The following ADD2 variants were observed in gnomAD, a reference collection of about 807,000 sequenced individuals.
The protein encoded by ADD2 is beta-adducin.
ADD2 carries 23 observed loss-of-function variants against 83.0 expected under a neutral mutation model. The observed-to-expected ratio is 0.28, with a 90% CI of 0.20 to 0.39. The LOEUF (loss-of-function observed/expected upper bound fraction) is 0.39, where lower values mean the gene tolerates loss of function less well. Among genes scored for constraint, ADD2 ranks in the 10% least tolerant of loss-of-function variants. The pLI, the probability that ADD2 is intolerant of heterozygous loss-of-function variation, is 1.00. For synonymous variants in ADD2, 375 were observed against 375.4 expected (o/e 1.00, Z 0.01); for missense variants, 758 against 944.9 (o/e 0.80, Z 2.59).
intron 15 of ADD2, among the ~76,000 whole-genome samples, chr2:70,666,784 G>T (rs1251640844): frequency 6.6e-6 from 1 of 152,154 alleles, no homozygotes; most frequent in African/African-American, 2.4e-5. Context: ...AACACCCAAG[G>T]TTCTTCTCAC....
intron 1 of ADD2, among the ~76,000 whole-genome samples, chr2:70,728,837 G>A (rs1307010467): frequency 6.6e-6 from 1 of 152,110 alleles, no homozygotes; most frequent in African/African-American, 2.4e-5. Flanking sequence ...GGCTTGCCTT[G>A]TCTTCCTCCC....
At chr2:70,745,628 C>T (rs6716568) in intron 1 of ADD2, among the ~76,000 whole-genome samples, 5,284 of 152,260 alleles carry the variant, frequency 0.035, 305 homozygotes, top group African/African-American at 0.12. Flanking sequence ...CAGACTATAG[C>T]CTCACCAAAA....
chr2:70,730,429 C>A (rs1673222528), intron 1 of ADD2, among the ~76,000 whole-genome samples: 1 of 152,236 alleles, frequency 6.6e-6, no homozygotes, highest in Admixed American at 6.5e-5. Flanking sequence ...CATGGACACA[C>A]AGGCACACAT....
chr2:70,713,623 G>A (rs782058250), intron 1 of ADD2, among the ~76,000 whole-genome samples: 7 of 152,118 alleles, frequency 4.6e-5, no homozygotes, highest in Non-Finnish European at 7.4e-5. Context: ...AAGAAAAAAG[G>A]TAAAGAAAGC....
At position 70,660,189 on chromosome 2, in the gene ADD2, GGAA is replaced by G. The variant is rs1235185822; in HGVS notation, c.*3233_*3235del. 1 of 152,158 alleles carries G rather than the reference GGAA, an allele frequency of 6.6e-6. No individual in the cohort carries two copies. Among genetic ancestry groups the G allele is most frequent in the African/African-American group, 2.4e-5 (1 of 41,412 alleles). 9.4% of individuals were successfully genotyped at this position (152,158 alleles called of 1,614,324 possible). ...CTAAATGTGCCACATTCTGTGCAAGGGAAGAAGAAATGGCAGGATGGCTGGACA... is the reference window on the plus strand; with the variant it reads ...CTAAATGTGCCACATTCTGTGCAAGGGAAGAAATGGCAGGATGGCTGGACA... On this transcript the variant is annotated 3_prime_UTR_variant, in exon 16 of 16. Transcript: ENST00000264436.
intron 1 of ADD2, among the ~76,000 whole-genome samples, chr2:70,716,355 G>C (rs1417242500): frequency 1.3e-5 from 2 of 152,082 alleles, no homozygotes; most frequent in Non-Finnish European, 2.9e-5. Context: ...CAGGACCCAA[G>C]AGGCACAAAG....
rs1240802335 is a variant in ADD2, at chr2:70,672,743, C to G, written c.1870+135G>C. ...GAAACAACATGAAACTTGATAACCC[C>G]TATTTCTGATTTCCTAGAAATAGCA... On this transcript the variant is annotated intron_variant, in intron 15 of 15. Coordinates refer to ENST00000264436, the MANE Select transcript of ADD2 (RefSeq NM_001617.4). 9.7e-6 allele frequency: 10 copies of G among 1,025,702 alleles called. No homozygotes were observed. In the East Asian group the frequency reaches 2.4e-4, roughly 24 times the overall value. The allele number at this position is 1,025,702 out of a possible 1,614,324, so 63.5% of individuals were successfully genotyped here. A position where few individuals can be genotyped will look rare whatever the true frequency, so the allele number is the denominator to read the frequency against.
Position 70,706,123 on chromosome 2 carries a change from C to A in ADD2, c.183+103G>T. On this transcript the variant is annotated intron_variant, in intron 3 of 15. Coordinates refer to ENST00000264436, the MANE Select transcript of ADD2 (RefSeq NM_001617.4). This position sits in a 1 kb window ranked among gnomAD's most constrained non-coding sequence, Gnocchi z 5.0. ...CTCAGTGGGCTTACATTTCTACTGA[C>A]CCTGAGCAAGGGAAAGAGGAGTTAC... The A allele has an allele frequency of 7.9e-7, 1 of 1,270,636 alleles. No individual in the cohort carries two copies. Among genetic ancestry groups the A allele is most frequent in the Middle Eastern group, 2.7e-4 (1 of 3,666 alleles). The allele number at this position is 1,270,636 out of a possible 1,614,324, so 78.7% of individuals were successfully genotyped here.
chr2:70,761,231 T>TTTC (rs1432630693), intron 1 of ADD2, among the ~76,000 whole-genome samples: 7 of 151,912 alleles, frequency 4.6e-5, no homozygotes, highest in African/African-American at 1.7e-4. Context: ...GCATTACTTT[T>TTTC]TTTTTTTTTT....
At chr2:70,737,750 G>A (rs1158282029) in intron 1 of ADD2, among the ~76,000 whole-genome samples, 1 of 152,028 alleles carries the variant, frequency 6.6e-6, no homozygotes, top group Admixed American at 6.6e-5. Context: ...TAAAAAAGAG[G>A]CTTGATACTG....
chr2:70,724,286 T>C (rs1672872809), intron 1 of ADD2, among the ~76,000 whole-genome samples: 1 of 152,240 alleles, frequency 6.6e-6, no homozygotes, highest in African/African-American at 2.4e-5. Context: ...AGCAGCTCTG[T>C]GGCCTTGGTG....
At chr2:70,698,931 G>A (rs2104355627) in intron 4 of ADD2, among the ~76,000 whole-genome samples, 1 of 152,264 alleles carries the variant, frequency 6.6e-6, no homozygotes, top group East Asian at 1.9e-4. Flanking sequence ...TAAGGCAAAT[G>A]GAGCTAGACA....
intron 8 of ADD2, among the ~76,000 whole-genome samples, 182 bp from the exon 9 acceptor site, chr2:70,688,304 A>G (rs1346870196): frequency 6.6e-6 from 1 of 152,270 alleles, no homozygotes; most frequent in African/African-American, 2.4e-5. Context: ...AACTCAAAGC[A>G]TCTACCCTAA....
intron 7 of ADD2, among the ~76,000 whole-genome samples, 191 bp downstream of exon 7, chr2:70,692,212 C>T (rs1374465893): frequency 6.6e-6 from 1 of 152,206 alleles, no homozygotes; most frequent in African/African-American, 2.4e-5. Flanking sequence ...ACAGACATTC[C>T]ATGTCTTCAC....
intron 4 of ADD2, among the ~76,000 whole-genome samples, chr2:70,703,745 T>C (rs1450969023): frequency 1.3e-5 from 2 of 152,176 alleles, no homozygotes; most frequent in East Asian, 1.9e-4. Flanking sequence ...AATCTATATA[T>C]GTTAAGAAAA....
At chr2:70,750,929 C>T (rs1331501908) in intron 1 of ADD2, among the ~76,000 whole-genome samples, 3 of 152,160 alleles carry the variant, frequency 2.0e-5, no homozygotes, top group Non-Finnish European at 4.4e-5. Flanking sequence ...CACCCTAGCT[C>T]CTCTACCATA....
At chr2:70,680,300 T>C (rs1223643012) in intron 10 of ADD2, among the ~76,000 whole-genome samples, 1 of 152,232 alleles carries the variant, frequency 6.6e-6, no homozygotes, top group Non-Finnish European at 1.5e-5. Flanking sequence ...CCCTCACTGA[T>C]TTATAAAGTG....
At chr2:70,665,181 G>A (rs868951165) in intron 15 of ADD2, among the ~76,000 whole-genome samples, 1 of 151,670 alleles carries the variant, frequency 6.6e-6, no homozygotes, top group African/African-American at 2.4e-5. Context: ...GGTCTTAACA[G>A]GGGTGAAGTC....
intron 1 of ADD2, among the ~76,000 whole-genome samples, chr2:70,746,485 A>G (rs538863047): frequency 6.6e-6 from 1 of 152,344 alleles, no homozygotes; most frequent in African/African-American, 2.4e-5. Flanking sequence ...AGTCCCCACA[A>G]TAACCTTACT....
Sources: allele counts gnomAD v4.1 joint callset (sites outside exome capture counted in the v4.1 genomes callset), GRCh38; gene constraint gnomAD v4.1.1; non-coding constraint Gnocchi (gnomAD v3.1); transcripts MANE v1.5; gene names NCBI Gene and HGNC (gene_info 2026-07-23, HGNC 2026-07-21).